Variants in RRM1 observed in about 807,000 individuals in gnomAD.
RRM1 encodes the protein ribonucleotide reductase catalytic subunit M1.
A neutral mutation model predicts 101.5 loss-of-function variants in RRM1; 19 were observed. The ratio of observed to expected loss-of-function variants is 0.19; its 90% CI spans 0.13 to 0.27. RRM1 has a LOEUF of 0.27. Among genes scored for constraint, RRM1 ranks in the 10% least tolerant of loss-of-function variants. The probability of loss-of-function intolerance (pLI) is 1.00; values close to 1 mark genes in which losing one functional copy is unlikely to be tolerated. For missense variants in RRM1, 500 were observed against 962.9 expected (o/e 0.52, Z 6.36); for synonymous variants, 298 against 323.4 (o/e 0.92, Z 0.84).
intron 2 of RRM1, among the ~76,000 whole-genome samples, chr11:4,103,946 CAAAAAAAA>C (rs34264302): frequency 2.1e-5 from 2 of 95,064 alleles, no homozygotes; most frequent in Non-Finnish European, 4.2e-5. Flanking sequence ...CCTGTTTCTA[CAAAAAAAA>C]AAAAAAAAAA....
At chr11:4,124,890 C>T (rs934163860) in intron 12 of RRM1, among the ~76,000 whole-genome samples, 1 of 150,426 alleles carries the variant, frequency 6.6e-6, no homozygotes, top group Non-Finnish European at 1.5e-5. Flanking sequence ...CAACCATTAC[C>T]ACTATCTAAT....
At chr11:4,130,313 G>C (rs2133319986) in intron 15 of RRM1, among the ~76,000 whole-genome samples, 1 of 151,872 alleles carries the variant, frequency 6.6e-6, no homozygotes, top group East Asian at 1.9e-4. Flanking sequence ...GATAAGACTT[G>C]TTAATGGTGT....
intron 2 of RRM1, among the ~76,000 whole-genome samples, chr11:4,104,304 A>G (rs769429574): frequency 1.3e-5 from 2 of 152,174 alleles, no homozygotes; most frequent in Non-Finnish European, 1.5e-5. Flanking sequence ...GGGCTTAGCT[A>G]TATTATAATT....
chr11:4,095,137 T>C lies in RRM1; in HGVS notation c.19+106T>C, dbSNP rs1424082195. ...GCCCGCCTTCGCTGCTTCCCGCCTT[T>C]CCCGCATTTCCCGCCGCGGCCTTCC... On this transcript the variant is annotated intron_variant, in intron 1 of 18. Coordinates refer to ENST00000300738, the MANE Select transcript of RRM1 (RefSeq NM_001033.5). 7.5e-6 allele frequency: 10 copies of C among 1,329,580 alleles called. No individual in the cohort carries two copies. The South Asian group carries it at 9.1e-5, about 12-fold the overall frequency. The allele number at this position is 1,329,580 out of a possible 1,614,324, so 82.4% of individuals were successfully genotyped here.
At chr11:4,133,791 C>G (rs1474989242) in intron 17 of RRM1, 133 bp downstream of exon 17, 5 of 549,130 alleles carry the variant, frequency 9.1e-6, no homozygotes, top group Non-Finnish European at 1.3e-5. Flanking sequence ...CTCTGTTCAC[C>G]TCTGCATTGT....
In RRM1 at chr11:4,107,426, A is replaced by T. The variant is rs745450037; in HGVS notation, c.287-9A>T. On this transcript the variant is annotated splice_polypyrimidine_tract_variant and intron_variant, in intron 3 of 18. Coordinates refer to ENST00000300738, the MANE Select transcript of RRM1 (RefSeq NM_001033.5). Reference sequence around the variant, plus strand: ...TTGATATATTTTCATTTTTTGTTGTATTTTTTAGATGTGATGGAAGACCTC... The same window carrying T: ...TTGATATATTTTCATTTTTTGTTGTTTTTTTTAGATGTGATGGAAGACCTC... 1 of 1,567,604 alleles carries T rather than the reference A, an allele frequency of 6.4e-7. No homozygotes were observed. The highest frequency in any genetic ancestry group is 8.8e-7 in the Non-Finnish European group (1 of 1,139,556).
chr11:4,136,738 G>T (rs202231748), intron 18 of RRM1, among the ~76,000 whole-genome samples: 1 of 3,090 alleles, frequency 3.2e-4, no homozygotes. Context: ...GTATTTTTTT[G>T]TTTGTTTGTT....
At chr11:4,108,540 G>T (rs1408855786) in intron 4 of RRM1, among the ~76,000 whole-genome samples, 1 of 148,022 alleles carries the variant, frequency 6.8e-6, no homozygotes, top group Non-Finnish European at 1.5e-5. Context: ...GGAGCTTGCA[G>T]TGAGCCGAGA....
Position 4,106,105 on chromosome 11 carries a change from A to G in RRM1, c.168A>G (p.Leu56=), listed in dbSNP as rs1171745137. Residue 56 remains leucine, a synonymous_variant, in exon 3 of 19, where the codon CTA becomes CTG. Transcript: ENST00000300738. Reference sequence around the variant, plus strand: ...ACAGTGGGGTCACCACAGTGGAACTAGATACTTTGGCTGCTGAAACAGCTG... The same window carrying G: ...ACAGTGGGGTCACCACAGTGGAACTGGATACTTTGGCTGCTGAAACAGCTG... ...GLYSGVTTVE[L]DTLAAETAAT... 6.2e-7 allele frequency: 1 copy of G among 1,613,928 alleles called. No homozygotes were observed. The highest frequency in any genetic ancestry group is 1.3e-5 in the African/African-American group (1 of 74,922).
intron 16 of RRM1, 77 bp from the exon 17 acceptor site, chr11:4,133,486 T>G (rs1365090849): frequency 3.5e-6 from 3 of 852,450 alleles, no homozygotes; most frequent in South Asian, 1.7e-5. Context: ...GATTTTAGTT[T>G]AAGCTTCAAA....
At chr11:4,108,327 G>A (rs562213064) in intron 4 of RRM1, among the ~76,000 whole-genome samples, 3 of 152,090 alleles carry the variant, frequency 2.0e-5, no homozygotes, top group Non-Finnish European at 4.4e-5. Context: ...GGCCGGGCGC[G>A]GTAGCTCACG....
chr11:4,122,343 AT>A, intron 11 of RRM1, 123 bp downstream of exon 11: 1 of 692,050 alleles, frequency 1.4e-6, no homozygotes, highest in Non-Finnish European at 2.3e-6. Flanking sequence ...AAAGTGACTA[AT>A]AATTTTGGTC....
chr11:4,121,649 A>G lies in RRM1; in HGVS notation c.922A>G (p.Ile308Val), dbSNP rs764497345. The change falls in exon 10 of 19, where the codon ATC becomes GTC. Residue 308 changes from isoleucine to valine, a missense_variant. Physicochemically the swap from Ile to Val is conservative, Grantham distance 29 (BLOSUM62 3). Coordinates refer to ENST00000300738, the MANE Select transcript of RRM1 (RefSeq NM_001033.5). ...AIYLEPWHLDIFEFLDLKKNT... is the reference protein window; with the variant it reads ...AIYLEPWHLDVFEFLDLKKNT... ...TTACCTGGAGCCTTGGCATTTAGAC[A>G]TCTTTGAATTCCTTGATTTAAAGAA... 4 of 1,613,796 alleles carry G rather than the reference A, an allele frequency of 2.5e-6. No individual in the cohort carries two copies. Among genetic ancestry groups the G allele is most frequent in the Non-Finnish European group, 3.4e-6 (4 of 1,179,860 alleles).
At chr11:4,120,259 A>G (rs2094579629) in intron 9 of RRM1, among the ~76,000 whole-genome samples, 1 of 152,146 alleles carries the variant, frequency 6.6e-6, no homozygotes, top group Admixed American at 6.6e-5. Context: ...CTAGACAGCC[A>G]CTGATCTATT....
intron 2 of RRM1, chr11:4,105,557 G>C (rs1339010005): frequency 7.9e-6 from 3 of 380,344 alleles, no homozygotes; most frequent in South Asian, 5.6e-5. Context: ...ATGTGAATTT[G>C]ATTGTTTTCT....
intron 5 of RRM1, among the ~76,000 whole-genome samples, chr11:4,110,493 C>T (rs1474810831): frequency 6.6e-6 from 1 of 152,122 alleles, no homozygotes; most frequent in African/African-American, 2.4e-5. Context: ...ACAGGCTGGG[C>T]ATGGTGGCTT....
In RRM1 at chr11:4,114,505, G is replaced by A. The variant is rs1437284843; in HGVS notation, c.650+2443G>A. Among the ~76,000 whole-genome samples, 12 of 147,066 alleles carry A rather than the reference G, an allele frequency of 8.2e-5. No individual in the cohort carries two copies. In the East Asian group the frequency reaches 2.2e-3, roughly 27 times the overall value. On this transcript the variant is annotated intron_variant, in intron 7 of 18. Coordinates refer to ENST00000300738, the MANE Select transcript of RRM1 (RefSeq NM_001033.5). ...GCGGAGGTTGCAGTGAGCCAACATC[G>A]CACCACTACACTCCAGCCTGGGCAA...
chr11:4,110,491 GGCATGGTGGCT>G (rs1185775165), intron 5 of RRM1, among the ~76,000 whole-genome samples: 1 of 152,170 alleles, frequency 6.6e-6, no homozygotes, highest in Non-Finnish European at 1.5e-5. Context: ...TAACAGGCTG[GGCATGGTGGCT>G]TACGCCTGTA....
In RRM1 at chr11:4,119,902, C is replaced by T; in HGVS notation, c.850C>T (p.Arg284Ter). Residue 284 changes from arginine (R) to a stop codon, truncating the protein, a stop_gained, in exon 9 of 19, where the codon CGA (arginine) becomes TGA (stop). Coordinates refer to ENST00000300738, the MANE Select transcript of RRM1 (RefSeq NM_001033.5). LOFTEE classifies it high-confidence loss of function. ...PMLRVYNNTA[R>*]YVDQGGNKRP... ...GCTGAGAGTATATAACAACACAGCT[C>T]GATATGTGGATCAAGGTGGGAACAA... The T allele has an allele frequency of 6.3e-7, 1 of 1,599,666 alleles. No individual in the cohort carries two copies. The highest frequency in any genetic ancestry group is 8.6e-7 in the Non-Finnish European group (1 of 1,167,880).
Sources: gnomAD v4.1 joint callset for allele counts (sites outside exome capture counted in the v4.1 genomes callset) on GRCh38, gnomAD v4.1.1 for gene constraint, MANE v1.5 for transcripts, NCBI Gene and HGNC (gene_info 2026-07-23, HGNC 2026-07-21) for gene names.